DPP6: variants seen among roughly 807,000 people sequenced by gnomAD.
The protein encoded by DPP6 is A-type potassium channel modulatory protein DPP6.
A neutral mutation model predicts 122.6 loss-of-function variants in DPP6; 69 were observed. The ratio of observed to expected loss-of-function variants is 0.56; its 90% CI spans 0.46 to 0.69. DPP6 has a LOEUF of 0.69. Ranked by LOEUF, DPP6 falls within the 30% of genes least tolerant of loss-of-function variation. DPP6 has a pLI of 0.00. For missense variants in DPP6, 928 were observed against 1,116.9 expected, an observed-to-expected ratio of 0.83 and a Z score of 2.41; for synonymous variants, 418 against 433.1, an observed-to-expected ratio of 0.97 and a Z score of 0.43.
At chr7:153,984,028 T>C (rs1485684743) in intron 1 of DPP6, among the ~76,000 whole-genome samples, 3 of 148,898 alleles carry the variant, frequency 2.0e-5, no homozygotes, top group Non-Finnish European at 3.0e-5. Context: ...CAGATGCTGT[T>C]TATTCTAACA....
chr7:154,867,425 A>G (rs990729942), intron 17 of DPP6, among the ~76,000 whole-genome samples: 1 of 152,226 alleles, frequency 6.6e-6, no homozygotes, highest in Non-Finnish European at 1.5e-5. Context: ...AGCCAGTCCC[A>G]CTGCAGTGTG....
chr7:154,088,706 G>A (rs1161670536), intron 1 of DPP6, among the ~76,000 whole-genome samples: 2 of 150,728 alleles, frequency 1.3e-5, no homozygotes, highest in Admixed American at 1.3e-4. Context: ...GTAGAATAGA[G>A]GCACAGTGAT....
chr7:154,262,544 C>A (rs1321968010), intron 1 of DPP6, among the ~76,000 whole-genome samples: 1 of 151,768 alleles, frequency 6.6e-6, no homozygotes, highest in African/African-American at 2.4e-5. Flanking sequence ...GGCTTTCGGC[C>A]TCCAGAACTG....
At chr7:154,616,486 G>T (rs1460977353) in intron 5 of DPP6, among the ~76,000 whole-genome samples, 1 of 152,090 alleles carries the variant, frequency 6.6e-6, no homozygotes, top group African/African-American at 2.4e-5. Flanking sequence ...ATACTGAGAG[G>T]GGTCTAAAAA....
At chr7:153,883,771 G>C (rs545637422), upstream of DPP6, among the ~76,000 whole-genome samples, 1 of 152,306 alleles carries the variant, frequency 6.6e-6, no homozygotes, top group East Asian at 1.9e-4. Flanking sequence ...TGCAAAGAAT[G>C]AACAGGCATT....
chr7:154,823,821 C>T (rs1024802715), intron 16 of DPP6, among the ~76,000 whole-genome samples: 6 of 152,174 alleles, frequency 3.9e-5, no homozygotes, highest in Non-Finnish European at 5.9e-5. Context: ...AACTTCAGGG[C>T]CCATTGCAGC....
At chr7:153,866,698 G>C in the DPP6 span, among the ~76,000 whole-genome samples, 1 of 152,106 alleles carries the variant, frequency 6.6e-6, no homozygotes, top group Admixed American at 6.6e-5. Flanking sequence ...CATTGCTTTT[G>C]GTGTTTTAGA....
At chr7:153,884,711 G>A (rs1378216485), upstream of DPP6, among the ~76,000 whole-genome samples, 1 of 152,142 alleles carries the variant, frequency 6.6e-6, no homozygotes, top group Admixed American at 6.5e-5. Context: ...GGGCGCAGTG[G>A]CTCACGCCTG....
At chr7:154,068,041 C>A (rs1802866430) in intron 1 of DPP6, among the ~76,000 whole-genome samples, 1 of 151,630 alleles carries the variant, frequency 6.6e-6, no homozygotes, top group African/African-American at 2.4e-5. Flanking sequence ...GGATTACAGG[C>A]ATGAGTCACC....
chr7:154,690,906 G>A lies in DPP6; in HGVS notation c.762+21465G>A, dbSNP rs543099403. On this transcript the variant is annotated intron_variant, in intron 7 of 25. Coordinates refer to ENST00000377770, the MANE Select transcript of DPP6 (RefSeq NM_130797.4). The stretch of plus-strand genomic sequence containing the variant: ...AGCCCCTGCCTTAGGACCACCCGCT[G>A]TTAAGTGTTCACTGGTGATGCCACT... 3.9e-5 allele frequency among the ~76,000 whole-genome samples: 6 copies of A among 152,334 alleles called. No homozygotes were observed. The South Asian group carries it at 1.2e-3, about 32-fold the overall frequency.
At chr7:154,405,917 A>G (rs936256370) in intron 1 of DPP6, among the ~76,000 whole-genome samples, 1 of 152,250 alleles carries the variant, frequency 6.6e-6, no homozygotes, top group African/African-American at 2.4e-5. Flanking sequence ...CAGCAGTTTA[A>G]GGAATCCTAT....
intron 1 of DPP6, among the ~76,000 whole-genome samples, chr7:154,266,550 G>A (rs1186719996): frequency 6.6e-6 from 1 of 152,186 alleles, no homozygotes; most frequent in African/African-American, 2.4e-5. Flanking sequence ...TTGCACTCCA[G>A]CCTGGGTGAC....
chr7:153,923,586 C>G (rs1389924254), intron 1 of DPP6, among the ~76,000 whole-genome samples: 1 of 151,862 alleles, frequency 6.6e-6, no homozygotes, highest in Non-Finnish European at 1.5e-5. Flanking sequence ...ATGGTGAAAC[C>G]TCGTCTCTAC....
chr7:154,835,475 C>G (rs1800976736), intron 16 of DPP6, among the ~76,000 whole-genome samples: 1 of 152,168 alleles, frequency 6.6e-6, no homozygotes. Context: ...CCCCAGGTAC[C>G]TACTCCTCCA....
chr7:153,836,272 G>A, the DPP6 span, among the ~76,000 whole-genome samples: 11 of 152,150 alleles, frequency 7.2e-5, no homozygotes, highest in South Asian at 2.1e-4. Context: ...AATTTATCGC[G>A]TTTGGCCAAA....
At chr7:153,926,814 G>GGA (rs1563015403) in intron 1 of DPP6, among the ~76,000 whole-genome samples, 1 of 147,580 alleles carries the variant, frequency 6.8e-6, no homozygotes, top group African/African-American at 2.5e-5. Context: ...GTAAAAAAAA[G>GGA]AAAAAAAAAA....
At chr7:153,927,701 ATAATCCAACC>A (rs1434335356) in intron 1 of DPP6, among the ~76,000 whole-genome samples, 1 of 152,220 alleles carries the variant, frequency 6.6e-6, no homozygotes, top group Non-Finnish European at 1.5e-5. Flanking sequence ...TGCTAAGAGT[ATAATCCAACC>A]ACCCTAGGAA....
rs141448477 is a variant in DPP6 at position 154,842,490 on chromosome 7, T to A, written c.1667-11290T>A. The stretch of plus-strand genomic sequence containing the variant: ...GCAGGTGAAAACTAATGCTCTAAAA[T>A]GCCTGGGGCTGCAAACCAGAGACAC... On this transcript the variant is annotated intron_variant, in intron 16 of 25. Coordinates refer to ENST00000377770, the MANE Select transcript of DPP6 (RefSeq NM_130797.4). Among the ~76,000 whole-genome samples the A allele has an allele frequency of 1.8e-4, 27 of 152,378 alleles. No individual in the cohort carries two copies. The East Asian group carries it at 5.2e-3, about 29-fold the overall frequency.
At chr7:154,425,604 A>AAATGTG (rs60604834) in intron 1 of DPP6, among the ~76,000 whole-genome samples, 11 of 128,236 alleles carry the variant, frequency 8.6e-5, no homozygotes, top group African/African-American at 3.6e-4. Flanking sequence ...GGGGAAAAAA[A>AAATGTG]TGTGTGTGTG....
Sources: allele counts gnomAD v4.1 joint callset (sites outside exome capture counted in the v4.1 genomes callset), GRCh38; gene constraint gnomAD v4.1.1; transcripts MANE v1.5; gene names NCBI Gene and HGNC (gene_info 2026-07-23, HGNC 2026-07-21).